Variants in TMEM26 observed in about 807,000 individuals in gnomAD.
The protein encoded by TMEM26 is transmembrane protein 26.
Under a neutral mutation model 28.8 loss-of-function variants are expected in TMEM26, and 38 were observed. The observed-to-expected ratio is 1.32, with a 90% CI of 1.02 to 1.73. The LOEUF (loss-of-function observed/expected upper bound fraction) is 1.73, where lower values mean the gene tolerates loss of function less well. Among genes scored for constraint, TMEM26 ranks in the 40% most tolerant of loss-of-function variants. The probability of loss-of-function intolerance (pLI) is 0.00; values close to 1 mark genes in which losing one functional copy is unlikely to be tolerated. For missense variants in TMEM26, 518 were observed against 447.1 expected (o/e 1.16, Z -1.43); for synonymous variants, 227 against 182.9 (o/e 1.24, Z -1.95).
At chr10:61,442,693 G>A (rs901614750) in intron 1 of TMEM26, among the ~76,000 whole-genome samples, 2 of 152,012 alleles carry the variant, frequency 1.3e-5, no homozygotes, top group African/African-American at 2.4e-5. Context: ...TATTTTCGTG[G>A]AAATCAAAAA....
At chr10:61,424,696 C>T (rs75906324) in intron 4 of TMEM26, among the ~76,000 whole-genome samples, 2,249 of 152,246 alleles carry the variant, frequency 0.015, 47 homozygotes, top group East Asian at 0.079. Flanking sequence ...ATAATCCTGA[C>T]AGTGTGGTAT....
chr10:61,422,197 A>C (rs1364776755), intron 4 of TMEM26, among the ~76,000 whole-genome samples: 1 of 152,170 alleles, frequency 6.6e-6, no homozygotes. Context: ...CAGACATTCC[A>C]ACAATTAGAA....
chr10:61,433,819 A>G (rs1839960268), intron 2 of TMEM26, among the ~76,000 whole-genome samples: 1 of 152,162 alleles, frequency 6.6e-6, no homozygotes, highest in Non-Finnish European at 1.5e-5. Flanking sequence ...CACATAGCTG[A>G]GAAGGGCAAT....
intron 4 of TMEM26, among the ~76,000 whole-genome samples, chr10:61,423,049 T>C (rs1437202779): frequency 2.0e-5 from 3 of 151,982 alleles, no homozygotes; most frequent in Non-Finnish European, 2.9e-5. Flanking sequence ...AATTAACACA[T>C]GTATAGTGAA....
chr10:61,426,401 C>T (rs1839833107), intron 4 of TMEM26, among the ~76,000 whole-genome samples: 1 of 152,036 alleles, frequency 6.6e-6, no homozygotes, highest in Admixed American at 6.6e-5. Context: ...TACAGTTGAA[C>T]TTTATGTTAT....
At chr10:61,412,875 A>G (rs1410845282) in intron 5 of TMEM26, 1 of 1,211,330 alleles carries the variant, frequency 8.3e-7, no homozygotes, top group Non-Finnish European at 1.1e-6. Context: ...TGGGAAACAG[A>G]TTACTTCTTG....
intron 4 of TMEM26, among the ~76,000 whole-genome samples, chr10:61,420,934 C>A (rs1034217314): frequency 6.6e-6 from 1 of 151,378 alleles, no homozygotes; most frequent in Non-Finnish European, 1.5e-5. Context: ...CTTTTTAAAA[C>A]CTTAAAAGAT....
At chr10:61,426,813 A>C (rs1839840662) in intron 4 of TMEM26, among the ~76,000 whole-genome samples, 1 of 152,100 alleles carries the variant, frequency 6.6e-6, no homozygotes, top group African/African-American at 2.4e-5. Context: ...CTTATGTCCC[A>C]GTTGGAAAGG....
chr10:61,413,384 C>A, intron 5 of TMEM26, 75 bp downstream of exon 5: 1 of 1,566,556 alleles, frequency 6.4e-7, no homozygotes, highest in South Asian at 1.2e-5. Context: ...TTTCACTTGC[C>A]TTCTTAGTTT....
At chr10:61,441,453 G>A (rs1840091755) in intron 1 of TMEM26, among the ~76,000 whole-genome samples, 2 of 152,100 alleles carry the variant, frequency 1.3e-5, no homozygotes, top group African/African-American at 2.4e-5. Flanking sequence ...ATCATGTGTT[G>A]TCTGTGCAAT....
At chr10:61,452,723 G>C (rs2135345334) in intron 1 of TMEM26, 168 bp downstream of exon 1, 1 of 800,012 alleles carries the variant, frequency 1.2e-6, no homozygotes, top group Non-Finnish European at 2.0e-6. Flanking sequence ...GTGGCCCTGG[G>C]GTGCCCAAGA....
chr10:61,445,443 G>A (rs919860164), intron 1 of TMEM26, among the ~76,000 whole-genome samples: 1 of 152,186 alleles, frequency 6.6e-6, no homozygotes, highest in African/African-American at 2.4e-5. Context: ...ATTCTAATAA[G>A]TGGATAACAT....
intron 4 of TMEM26, among the ~76,000 whole-genome samples, chr10:61,420,174 C>A (rs1019377566): frequency 2.0e-5 from 3 of 151,842 alleles, no homozygotes; most frequent in Admixed American, 6.6e-5. Context: ...ATAAAGTAAG[C>A]TAGAGAAAAG....
intron 4 of TMEM26, among the ~76,000 whole-genome samples, chr10:61,422,428 A>T (rs930016722): frequency 2.0e-5 from 3 of 152,138 alleles, no homozygotes; most frequent in East Asian, 1.9e-4. Context: ...CCATAAATTT[A>T]AAAAAACTTA....
chr10:61,449,442 T>C (rs1473991914), intron 1 of TMEM26, among the ~76,000 whole-genome samples: 1 of 152,256 alleles, frequency 6.6e-6, no homozygotes, highest in South Asian at 2.1e-4. Flanking sequence ...CAGTTCCATG[T>C]TTCCTTTCCA....
intron 3 of TMEM26, among the ~76,000 whole-genome samples, chr10:61,429,917 T>C (rs1839893544): frequency 6.6e-6 from 1 of 152,088 alleles, no homozygotes; most frequent in African/African-American, 2.4e-5. Context: ...AACTTATTTA[T>C]GCAAGTGACT....
chr10:61,441,909 GT>G (rs565040154), intron 1 of TMEM26, among the ~76,000 whole-genome samples: 2 of 151,962 alleles, frequency 1.3e-5, no homozygotes, highest in Non-Finnish European at 2.9e-5. Flanking sequence ...ATGAAGTTGT[GT>G]TTTTTTGTTT....
chr10:61,419,380 A>G (rs914811379), intron 4 of TMEM26, among the ~76,000 whole-genome samples: 1 of 152,172 alleles, frequency 6.6e-6, no homozygotes, highest in Non-Finnish European at 1.5e-5. Context: ...AGCAACTATT[A>G]TAAATAGGTT....
intron 4 of TMEM26, among the ~76,000 whole-genome samples, chr10:61,421,856 C>T (rs981227294): frequency 6.6e-6 from 1 of 151,922 alleles, no homozygotes; most frequent in African/African-American, 2.4e-5. Flanking sequence ...ACACTTAAAT[C>T]AAAAGACAAA....
Sources: allele counts gnomAD v4.1 joint callset (sites outside exome capture counted in the v4.1 genomes callset), GRCh38; gene constraint gnomAD v4.1.1; transcripts MANE v1.5; gene names NCBI Gene and HGNC (gene_info 2026-07-23, HGNC 2026-07-21).